FER1L5: variants seen among roughly 807,000 people sequenced by gnomAD.
The protein encoded by FER1L5 is fer-1 like family member 5, also known as fer-1-like protein 5.
FER1L5 carries 187 observed loss-of-function variants against 279.9 expected under a neutral mutation model. The ratio of observed to expected loss-of-function variants is 0.67; its 90% CI spans 0.59 to 0.75. The LOEUF (loss-of-function observed/expected upper bound fraction) is 0.75. Among genes scored for constraint, FER1L5 ranks in the 30% least tolerant of loss-of-function variants. FER1L5 has a pLI of 0.00. For synonymous variants in FER1L5, 921 were observed against 989.7 expected (o/e 0.93, Z 1.30); for missense variants, 2,091 against 2,594.4 (o/e 0.81, Z 4.21).
At position 96,691,091 on chromosome 2, in the gene FER1L5, G is replaced by A; in HGVS notation, c.2744-99G>A. ...CTCAGGGCCAGAGACCTGGATGTGA[G>A]GGAAGTAATGCCCCTCTAGGGCCTG... On this transcript the variant is annotated intron_variant, in intron 27 of 52. Transcript: ENST00000624922. The surrounding 1 kb of genome is among the most constrained non-coding windows in gnomAD (Gnocchi z 6.0). 1 of 1,383,380 alleles carries A rather than the reference G, an allele frequency of 7.2e-7. No individual in the cohort carries two copies. Among genetic ancestry groups the A allele is most frequent in the East Asian group, 2.5e-5 (1 of 39,624 alleles). The allele number at this position is 1,383,380 out of a possible 1,614,324, so 85.7% of individuals were successfully genotyped here.
rs1179109069 is a variant in FER1L5 at position 96,702,681 on chromosome 2, G to A, written c.5337G>A (p.Trp1779Ter). Reference protein sequence around the residue: ...HSLTGEADFNWRFIFTMDYLA... With the variant: ...HSLTGEADFN ...TGACTGGGGAGGCCGACTTCAACTG[G>A]CGGTTCATCTTTACCATGGACTACC... Residue 1779 changes from tryptophan to a stop codon, truncating the protein, a stop_gained, in exon 48 of 53, where the codon TGG (tryptophan) becomes TGA (stop). Transcript: ENST00000624922. LOFTEE classifies it high-confidence loss of function. The surrounding 1 kb of genome is among the most constrained non-coding windows in gnomAD (Gnocchi z 4.0). The A allele has an allele frequency of 1.2e-5, 20 of 1,612,610 alleles. No individual in the cohort carries two copies. The highest frequency in any genetic ancestry group is 1.5e-5 in the Non-Finnish European group (18 of 1,179,374).
At chr2:96,692,514 C>T (rs371769902) in intron 31 of FER1L5, among the ~76,000 whole-genome samples, 21 of 152,292 alleles carry the variant, frequency 1.4e-4, no homozygotes, top group African/African-American at 5.1e-4. Flanking sequence ...GAAGTGGGAG[C>T]TGAGAGGGCT....
Position 96,689,763 on chromosome 2 carries a change from G to A in FER1L5, c.2640+5G>A. On this transcript the variant is annotated splice_donor_5th_base_variant and intron_variant, in intron 26 of 52. Transcript: ENST00000624922. The surrounding 1 kb of genome is among the most constrained non-coding windows in gnomAD (Gnocchi z 4.6). The stretch of plus-strand genomic sequence containing the variant: ...GCCATCCCAAACACAGACGTGGTGA[G>A]CAGGGCCGAAGCTGCCTCGGGTTAG... 5.8e-6 allele frequency: 9 copies of A among 1,544,818 alleles called. No individual in the cohort carries two copies. The highest frequency in any genetic ancestry group is 7.9e-6 in the Non-Finnish European group (9 of 1,144,436).
intron 18 of FER1L5, 105 bp downstream of exon 18, chr2:96,670,352 G>T: frequency 7.1e-7 from 1 of 1,412,130 alleles, no homozygotes; most frequent in Non-Finnish European, 9.5e-7. Flanking sequence ...CTGGCCACTG[G>T]CTGTTGAGTG....
chr2:96,687,665 C>A, intron 23 of FER1L5, 151 bp from the exon 24 acceptor site: 1 of 1,224,372 alleles, frequency 8.2e-7, no homozygotes, highest in Non-Finnish European at 1.1e-6. Context: ...GAACTCCATG[C>A]CATTCACTTA....
chr2:96,652,332 A>G (rs2075416559), intron 7 of FER1L5: 1 of 338,884 alleles, frequency 3.0e-6, no homozygotes, highest in Non-Finnish European at 5.6e-6. Context: ...CAGACCATGT[A>G]TGTCTCATTG....
In FER1L5 at chr2:96,642,771, T is replaced by C; in HGVS notation, c.-66T>C. 3 of 1,494,802 alleles carry C rather than the reference T, an allele frequency of 2.0e-6. No individual in the cohort carries two copies. The highest frequency in any genetic ancestry group is 2.7e-6 in the Non-Finnish European group (3 of 1,104,706). 92.6% of individuals were successfully genotyped at this position (1,494,802 alleles called of 1,614,324 possible). A position where few individuals can be genotyped will look rare whatever the true frequency, so the allele number is the denominator to read the frequency against. On this transcript the variant is annotated 5_prime_UTR_variant, in exon 1 of 53. Coordinates refer to ENST00000624922, the MANE Select transcript of FER1L5 (RefSeq NM_001293083.2). ...AGGATCGCTGGGAAAAGTCTTGGAC[T>C]GAGGAGCTCCAAAAAGGAAGCTGTG...
chr2:96,684,955 A>G (rs2076866507), intron 20 of FER1L5, among the ~76,000 whole-genome samples: 1 of 152,126 alleles, frequency 6.6e-6, no homozygotes, highest in Non-Finnish European at 1.5e-5. Context: ...AGATAAGACC[A>G]TAGAAGCTGG....
At chr2:96,690,026 C>T (rs572640148) in intron 26 of FER1L5, among the ~76,000 whole-genome samples, 4 of 152,284 alleles carry the variant, frequency 2.6e-5, no homozygotes, top group East Asian at 1.9e-4. Context: ...CTGCTTACCC[C>T]GAAGGAGAGA....
chr2:96,686,827 G>A (rs1315993243), intron 23 of FER1L5, among the ~76,000 whole-genome samples: 1 of 136,644 alleles, frequency 7.3e-6, no homozygotes, highest in East Asian at 2.1e-4. Flanking sequence ...CACTGTTCCA[G>A]CCTGGGTGAC....
At chr2:96,656,905 G>A (rs764912602) in intron 9 of FER1L5, among the ~76,000 whole-genome samples, 1 of 151,544 alleles carries the variant, frequency 6.6e-6, no homozygotes, top group Non-Finnish European at 1.5e-5. Context: ...AGATTAGTCT[G>A]AACCAATTTG....
Position 96,686,123 on chromosome 2 carries a change from T to C in FER1L5, c.2073+6T>C. ...TCAACACCGTGCTCCCTGAGGTGGG[T>C]GCTGCACACACTGGCCTGCAGCAGG... On this transcript the variant is annotated splice_donor_region_variant and intron_variant, in intron 22 of 52. Transcript: ENST00000624922. 1.9e-6 allele frequency: 3 copies of C among 1,549,678 alleles called. No homozygotes were observed. Among genetic ancestry groups the C allele is most frequent in the Non-Finnish European group, 2.6e-6 (3 of 1,145,714 alleles).
chr2:96,702,506 G>T lies in FER1L5; in HGVS notation c.5256-94G>T. On this transcript the variant is annotated intron_variant, in intron 47 of 52. Transcript: ENST00000624922. This position sits in a 1 kb window ranked among gnomAD's most constrained non-coding sequence, Gnocchi z 4.0. Reference sequence around the variant, plus strand: ...ATGGGACACCTCTCCATCCAGCTCTGCCTGGCGTCGGCTGGGCAGCCCTTC... The same window carrying T: ...ATGGGACACCTCTCCATCCAGCTCTTCCTGGCGTCGGCTGGGCAGCCCTTC... 1.3e-6 allele frequency: 2 copies of T among 1,548,614 alleles called. No individual in the cohort carries two copies. Among genetic ancestry groups the T allele is most frequent in the Non-Finnish European group, 1.7e-6 (2 of 1,145,372 alleles).
In FER1L5 at chr2:96,687,898, A is replaced by G; in HGVS notation, c.2312A>G (p.Lys771Arg). Reference protein sequence around the residue: ...CMWLGNVTDSKDLQLLRQGDT... With the variant: ...CMWLGNVTDSRDLQLLRQGDT... Reference sequence around the variant, plus strand: ...TGGCTTGGCAATGTCACAGACAGCAAGGACCTGCAGCTGCTCCGCCAGGGT... The same window carrying G: ...TGGCTTGGCAATGTCACAGACAGCAGGGACCTGCAGCTGCTCCGCCAGGGT... Residue 771 changes from lysine (K) to arginine (R), a missense_variant, in exon 24 of 53, where the codon AAG becomes AGG. Physicochemically the swap from Lys to Arg is conservative, Grantham distance 26. Transcript: ENST00000624922. 1 of 1,551,102 alleles carries G rather than the reference A, an allele frequency of 6.4e-7. No homozygotes were observed.
In FER1L5 at chr2:96,663,517, C is replaced by G; in HGVS notation, c.1140+10C>G. 1 of 1,551,436 alleles carries G rather than the reference C, an allele frequency of 6.4e-7. No individual in the cohort carries two copies. The highest frequency in any genetic ancestry group is 8.7e-7 in the Non-Finnish European group (1 of 1,146,778). On this transcript the variant is annotated intron_variant, in intron 14 of 52. Transcript: ENST00000624922. The stretch of plus-strand genomic sequence containing the variant: ...GACCTTCCGGATTCAGGTATGGCTC[C>G]TCCATCATGCCCACCCTTCTCCCAC...
chr2:96,696,091 G>A lies in FER1L5; in HGVS notation c.4083+14G>A. On this transcript the variant is annotated intron_variant, in intron 37 of 52. Transcript: ENST00000624922. ...AAGCACCAAGACGTAAGTAAGGGCT[G>A]CAGGCCCACCTTCTCCCATACTGTT... 1 of 1,613,624 alleles carries A rather than the reference G, an allele frequency of 6.2e-7. No homozygotes were observed. The highest frequency in any genetic ancestry group is 8.5e-7 in the Non-Finnish European group (1 of 1,179,868).
intron 19 of FER1L5, among the ~76,000 whole-genome samples, chr2:96,676,660 A>G (rs137993012): frequency 7.0e-6 from 1 of 142,720 alleles, no homozygotes; most frequent in Non-Finnish European, 1.5e-5. Flanking sequence ...ATTACATTCT[A>G]TCTATTGACA....
chr2:96,659,478 T>TTTCTTTCC (rs2075848096), intron 9 of FER1L5, among the ~76,000 whole-genome samples: 6 of 31,110 alleles, frequency 1.9e-4, no homozygotes, highest in Admixed American at 5.2e-4. Context: ...TCTTTCTTTC[T>TTTCTTTCC]TTCTTTCTTT....
intron 9 of FER1L5, among the ~76,000 whole-genome samples, chr2:96,656,399 G>A (rs2075601971): frequency 6.6e-6 from 1 of 152,250 alleles, no homozygotes; most frequent in African/African-American, 2.4e-5. Context: ...CACTTTGGGA[G>A]GTCAAGGCAG....
Sources: allele counts gnomAD v4.1 joint callset (sites outside exome capture counted in the v4.1 genomes callset), GRCh38; gene constraint gnomAD v4.1.1; non-coding constraint Gnocchi (gnomAD v3.1); transcripts MANE v1.5; gene names NCBI Gene and HGNC (gene_info 2026-07-23, HGNC 2026-07-21).